Variants in CENPK observed in about 807,000 individuals in gnomAD.
CENPK encodes the protein SoxLZ/Sox6-binding protein Solt.
CENPK carries 46 observed loss-of-function variants against 40.9 expected under a neutral mutation model. The observed-to-expected ratio is 1.13, with a 90% CI of 0.89 to 1.44. The LOEUF is 1.44. Ranked by LOEUF, CENPK falls within the 40% of genes most tolerant of loss-of-function variation. CENPK has a pLI of 0.00. For missense variants in CENPK, 288 were observed against 303.5 expected, an observed-to-expected ratio of 0.95 and a Z score of 0.38; for synonymous variants, 107 against 104.4, an observed-to-expected ratio of 1.02 and a Z score of -0.15.
At chr5:65,528,646 T>C in intron 8 of CENPK, 68 bp from the exon 9 acceptor site, 14 of 1,396,752 alleles carry the variant, frequency 1.0e-5, no homozygotes, top group Non-Finnish European at 1.3e-5. Context: ...TAACTAGTTA[T>C]TCATGAAGTT....
At chr5:65,528,646 T>G in intron 8 of CENPK, 68 bp from the exon 9 acceptor site, 1 of 1,396,752 alleles carries the variant, frequency 7.2e-7, no homozygotes, top group Non-Finnish European at 9.4e-7. Context: ...TAACTAGTTA[T>G]TCATGAAGTT....
chr5:65,520,771 T>C (rs940174335), intron 10 of CENPK, among the ~76,000 whole-genome samples: 1 of 152,182 alleles, frequency 6.6e-6, no homozygotes, highest in Non-Finnish European at 1.5e-5. Context: ...AATATACCAA[T>C]GATTTTAAAA....
intron 2 of CENPK, among the ~76,000 whole-genome samples, chr5:65,556,902 C>A (rs1751075953): frequency 1.3e-5 from 2 of 152,188 alleles, no homozygotes; most frequent in Admixed American, 1.3e-4. Flanking sequence ...CGGTATTCAG[C>A]CTAGGTATGT....
At chr5:65,507,333 A>G in the CENPK span, among the ~76,000 whole-genome samples, 2 of 152,204 alleles carry the variant, frequency 1.3e-5, no homozygotes, top group Non-Finnish European at 2.9e-5. Context: ...ATAAATCACT[A>G]AAAAGGATTC....
intron 6 of CENPK, among the ~76,000 whole-genome samples, chr5:65,533,033 T>C (rs145156114): frequency 6.6e-6 from 1 of 150,602 alleles, no homozygotes; most frequent in African/African-American, 2.4e-5. Context: ...GAAGAGTAAG[T>C]GACAAAATTC....
chr5:65,527,533 AT>A (rs1744933756), intron 9 of CENPK, among the ~76,000 whole-genome samples: 1 of 76,312 alleles, frequency 1.3e-5, no homozygotes, highest in South Asian at 5.3e-4. Flanking sequence ...ATATATATAT[AT>A]ATATATATAT....
chr5:65,500,011 T>G, the CENPK span, among the ~76,000 whole-genome samples: 4 of 76,976 alleles, frequency 5.2e-5, no homozygotes, highest in East Asian at 1.1e-3. Context: ...TCATTTTTTA[T>G]GGCTGCATAG....
the CENPK span, among the ~76,000 whole-genome samples, chr5:65,509,898 G>C: frequency 2.0e-5 from 3 of 152,202 alleles, no homozygotes; most frequent in African/African-American, 7.2e-5. Context: ...TCACAGATCA[G>C]TGTAATTGTT....
rs775730806 is a variant in CENPK, at chr5:65,521,434, AAGAC to A, written c.651+37_651+40del. On this transcript the variant is annotated intron_variant, in intron 10 of 10. Transcript: ENST00000396679. ...TGAGTATAATTGTTCACAAATGACT[AAGAC>A]AGCTTCAAGACAAAACAAACTACAC... 9 of 1,514,510 alleles carry A rather than the reference AAGAC, an allele frequency of 5.9e-6. No individual in the cohort carries two copies. The African/African-American group carries it at 8.3e-5, about 14-fold the overall frequency. 93.8% of individuals were successfully genotyped at this position (1,514,510 alleles called of 1,614,324 possible). A position where few individuals can be genotyped will look rare whatever the true frequency, so the allele number is the denominator to read the frequency against.
the CENPK span, among the ~76,000 whole-genome samples, chr5:65,496,877 C>T: frequency 1.3e-5 from 2 of 151,614 alleles, no homozygotes; most frequent in African/African-American, 4.9e-5. Flanking sequence ...GATGGTGAAA[C>T]CCCATCTCTA....
chr5:65,505,496 C>A, the CENPK span, among the ~76,000 whole-genome samples: 6 of 152,136 alleles, frequency 3.9e-5, no homozygotes, highest in Non-Finnish European at 8.8e-5. Flanking sequence ...AATACATTAG[C>A]TGGGCATGGT....
the CENPK span, among the ~76,000 whole-genome samples, chr5:65,509,083 T>C: frequency 6.6e-6 from 1 of 152,214 alleles, no homozygotes; most frequent in African/African-American, 2.4e-5. Flanking sequence ...ACTTTAAACA[T>C]GGGCAAAAGA....
chr5:65,501,174 G>GTTTTTTTTT, the CENPK span, among the ~76,000 whole-genome samples: 4 of 61,688 alleles, frequency 6.5e-5, no homozygotes, highest in Admixed American at 3.0e-4. Flanking sequence ...TGCTAAGTTT[G>GTTTTTTTTT]TTTTTTTTTT....
chr5:65,520,501 A>T (rs1743527553), intron 10 of CENPK, among the ~76,000 whole-genome samples: 1 of 152,138 alleles, frequency 6.6e-6, no homozygotes, highest in Non-Finnish European at 1.5e-5. Flanking sequence ...CATGACTGAC[A>T]ATTTTTATTA....
chr5:65,528,950 T>TC lies in CENPK; in HGVS notation c.438dup (p.Lys147GlufsTer3), dbSNP rs1471995857. ...TCAGAAAATGTTTCAACCTTATTTTTCAATTCACTGTGTAGTACATTAAGA... is the reference window on the plus strand; with the variant it reads ...TCAGAAAATGTTTCAACCTTATTTTTCCAATTCACTGTGTAGTACATTAAGA... On this transcript the variant is annotated frameshift_variant, in exon 8 of 11. Transcript: ENST00000396679. LOFTEE classifies it high-confidence loss of function. 2 of 1,597,256 alleles carry TC rather than the reference T, an allele frequency of 1.3e-6. No individual in the cohort carries two copies. Among genetic ancestry groups the TC allele is most frequent in the Admixed American group, 1.7e-5 (1 of 57,468 alleles).
chr5:65,541,320 G>A (rs1357045065), intron 6 of CENPK: 2 of 451,990 alleles, frequency 4.4e-6, no homozygotes, highest in South Asian at 3.1e-5. Context: ...CAGGCATGTG[G>A]GACTGAGCGC....
chr5:65,543,439 T>C (rs1257224943), intron 5 of CENPK, among the ~76,000 whole-genome samples: 1 of 152,224 alleles, frequency 6.6e-6, no homozygotes, highest in Non-Finnish European at 1.5e-5. Context: ...ATATATCCTA[T>C]GTACACATAT....
intron 5 of CENPK, among the ~76,000 whole-genome samples, chr5:65,544,648 G>A (rs1283047516): frequency 1.3e-5 from 2 of 152,118 alleles, no homozygotes; most frequent in Admixed American, 1.3e-4. Flanking sequence ...GTTGACAGAT[G>A]AATGGATAAG....
chr5:65,522,865 CAAA>C (rs1453525082), intron 9 of CENPK, among the ~76,000 whole-genome samples: 1 of 151,976 alleles, frequency 6.6e-6, no homozygotes, highest in Non-Finnish European at 1.5e-5. Flanking sequence ...CTACCAAAGA[CAAA>C]AAAAGAACAC....
Sources: allele counts gnomAD v4.1 joint callset (sites outside exome capture counted in the v4.1 genomes callset), GRCh38; gene constraint gnomAD v4.1.1; transcripts MANE v1.5; gene names NCBI Gene and HGNC (gene_info 2026-07-23, HGNC 2026-07-21).